The following ARHGAP22 variants were observed in gnomAD, a reference collection of about 807,000 sequenced individuals.
ARHGAP22 encodes the protein Rho GTPase activating protein 22, also known as rho GTPase-activating protein 22.
A neutral mutation model predicts 59.1 loss-of-function variants in ARHGAP22; 48 were observed. The ratio of observed to expected loss-of-function variants is 0.81; its 90% CI spans 0.64 to 1.03. The LOEUF is 1.03. Ranked by LOEUF, ARHGAP22 falls within the 50% of genes least tolerant of loss-of-function variation. The pLI, the probability that ARHGAP22 is intolerant of heterozygous loss-of-function variation, is 0.00. For missense variants in ARHGAP22, 1,015 were observed against 958.7 expected (o/e 1.06, Z -0.78); for synonymous variants, 445 against 416.4 (o/e 1.07, Z -0.84).
At chr10:48,563,807 C>T (rs376260916) in intron 2 of ARHGAP22, among the ~76,000 whole-genome samples, 4 of 152,138 alleles carry the variant, frequency 2.6e-5, no homozygotes, top group African/African-American at 9.7e-5. Context: ...AAGATGTAAA[C>T]TATTTCATTA....
intron 3 of ARHGAP22, among the ~76,000 whole-genome samples, chr10:48,553,922 A>G (rs893107110): frequency 6.6e-6 from 1 of 152,084 alleles, no homozygotes; most frequent in African/African-American, 2.4e-5. Context: ...CCCTGTCCCC[A>G]GAGCCAGGGG....
chr10:48,605,281 T>C (rs375889913), upstream of ARHGAP22: 208 of 521,848 alleles, frequency 4.0e-4, no homozygotes, highest in South Asian at 0.016. Flanking sequence ...GGAGCCGCAC[T>C]CCCTGCCAAG....
chr10:48,462,255 G>A (rs2133826843), intron 4 of ARHGAP22, among the ~76,000 whole-genome samples: 1 of 126,110 alleles, frequency 7.9e-6, no homozygotes, highest in Non-Finnish European at 1.7e-5. Context: ...GGGTGGGGGG[G>A]GGGCACCTGA....
At chr10:48,509,190 C>T (rs1027023989) in intron 3 of ARHGAP22, among the ~76,000 whole-genome samples, 1 of 152,232 alleles carries the variant, frequency 6.6e-6, no homozygotes, top group African/African-American at 2.4e-5. Context: ...GTCTCACCTG[C>T]AGAGTGCAGC....
intron 1 of ARHGAP22, among the ~76,000 whole-genome samples, chr10:48,640,099 G>T (rs1206676620): frequency 1.3e-5 from 2 of 152,192 alleles, no homozygotes; most frequent in Non-Finnish European, 2.9e-5. Context: ...GAGGAGCTCA[G>T]CAGAAGATTT....
chr10:48,592,227 C>G (rs2059802890), intron 1 of ARHGAP22, among the ~76,000 whole-genome samples: 1 of 152,178 alleles, frequency 6.6e-6, no homozygotes, highest in Non-Finnish European at 1.5e-5. Context: ...CACTACATTG[C>G]CTAGGCTAGA....
At chr10:48,618,463 C>T (rs12266191) in intron 1 of ARHGAP22, among the ~76,000 whole-genome samples, 15,959 of 151,856 alleles carry the variant, frequency 0.11, 1,953 homozygotes, top group African/African-American at 0.3. Flanking sequence ...ACTAGCAAAC[C>T]GAATCCAGCA....
intron 8 of ARHGAP22, 169 bp from the exon 9 acceptor site, chr10:48,451,309 C>T: frequency 2.2e-6 from 2 of 906,280 alleles, no homozygotes; most frequent in Non-Finnish European, 3.5e-6. Context: ...ACACACCCTC[C>T]AACTCCAGGC....
intron 1 of ARHGAP22, among the ~76,000 whole-genome samples, chr10:48,585,713 G>A (rs377722688): frequency 5.3e-5 from 8 of 152,174 alleles, no homozygotes; most frequent in African/African-American, 1.4e-4. Flanking sequence ...GTCCTCACCC[G>A]CTCCACCTTG....
In ARHGAP22 at chr10:48,560,262, G is replaced by T. The variant is rs1590186964; in HGVS notation, c.235-4712C>A. ...AAATGCCTACTGGGATTGTGATCGG[G>T]ATTGCATAGATCAATTTGGGGAGAA... On this transcript the variant is annotated intron_variant, in intron 2 of 9. Coordinates refer to ENST00000249601, the MANE Select transcript of ARHGAP22 (RefSeq NM_021226.4). Among the ~76,000 whole-genome samples the T allele has an allele frequency of 2.0e-5, 3 of 152,228 alleles. 1 individual carries two copies. In the East Asian group the frequency reaches 5.8e-4, roughly 29 times the overall value.
At chr10:48,543,414 G>T (rs1590066175) in intron 3 of ARHGAP22, among the ~76,000 whole-genome samples, 2 of 152,140 alleles carry the variant, frequency 1.3e-5, no homozygotes, top group Non-Finnish European at 2.9e-5. Flanking sequence ...CCTGCTTCTG[G>T]GGTGGCTCAC....
At chr10:48,543,951 G>A (rs570161045) in intron 3 of ARHGAP22, among the ~76,000 whole-genome samples, 3 of 152,068 alleles carry the variant, frequency 2.0e-5, no homozygotes, top group African/African-American at 4.8e-5. Context: ...GTGAAACCCC[G>A]TCTCTACTAA....
intron 5 of ARHGAP22, among the ~76,000 whole-genome samples, 164 bp downstream of exon 5, chr10:48,459,520 G>A (rs546606087): frequency 5.8e-4 from 88 of 152,162 alleles, no homozygotes; most frequent in Non-Finnish European, 1.1e-3. Flanking sequence ...AGGGGACCCC[G>A]GGCTGGCGGA....
intron 3 of ARHGAP22, among the ~76,000 whole-genome samples, chr10:48,503,068 G>C (rs895575492): frequency 6.6e-6 from 1 of 152,250 alleles, no homozygotes; most frequent in Non-Finnish European, 1.5e-5. Flanking sequence ...CCTTGGAGAA[G>C]CCAGGACTTG....
chr10:48,563,938 G>T (rs2057879811), intron 2 of ARHGAP22, among the ~76,000 whole-genome samples: 1 of 152,106 alleles, frequency 6.6e-6, no homozygotes, highest in African/African-American at 2.4e-5. Context: ...TGGGTAAAGG[G>T]TGTTAACAAG....
At chr10:48,492,545 A>G (rs2050504502) in intron 3 of ARHGAP22, among the ~76,000 whole-genome samples, 2 of 152,264 alleles carry the variant, frequency 1.3e-5, no homozygotes, top group South Asian at 4.1e-4. Context: ...AAGTATATAC[A>G]AAATAAATTA....
rs140517176 is a variant in ARHGAP22 at position 48,539,666 on chromosome 10, G to A, written c.322+15797C>T. The stretch of plus-strand genomic sequence containing the variant: ...CTAATATTTACTTTTTATTTGAAAT[G>A]TCTAATATTTTAGCTGAATTTTAAA... On this transcript the variant is annotated intron_variant, in intron 3 of 9. Coordinates refer to ENST00000249601, the MANE Select transcript of ARHGAP22 (RefSeq NM_021226.4). 2.3e-3 allele frequency among the ~76,000 whole-genome samples: 349 copies of A among 152,220 alleles called. 2 individuals are homozygous for A. The highest frequency in any genetic ancestry group is 7.9e-3 in the African/African-American group (328 of 41,538).
rs553249542 is a variant in ARHGAP22, at chr10:48,643,344, G to A, written c.52+8890C>T. ...CACTATTCACAATAGCAAAGACTTG[G>A]AACCAACCCAAATGCTCATCAATGA... is the stretch of plus-strand genomic sequence containing the variant. On this transcript the variant is annotated intron_variant, in intron 1 of 9. Coordinates refer to the ARHGAP22 transcript ENST00000435790. 5.0e-3 allele frequency among the ~76,000 whole-genome samples: 762 copies of A among 152,138 alleles called. 6 individuals are homozygous for A. Among genetic ancestry groups the A allele is most frequent in the African/African-American group, 0.017 (717 of 41,496 alleles).
downstream of ARHGAP22, chr10:48,444,761 C>T (rs1340355901): frequency 6.6e-6 from 1 of 152,264 alleles, no homozygotes; most frequent in Admixed American, 6.5e-5. Context: ...TTCTCCAAGC[C>T]TCCGTTTCTC....
Sources: allele counts gnomAD v4.1 joint callset (sites outside exome capture counted in the v4.1 genomes callset), GRCh38; gene constraint gnomAD v4.1.1; transcripts MANE v1.5; gene names NCBI Gene and HGNC (gene_info 2026-07-23, HGNC 2026-07-21).